The following CIBAR1 variants were observed in gnomAD, a reference collection of about 807,000 sequenced individuals.
The protein encoded by CIBAR1 is CBY1 interacting BAR domain containing 1, also known as CBY1-interacting BAR domain-containing protein 1.
In CIBAR1, 25 loss-of-function variants were observed where a neutral mutation model predicts 44.0. The ratio of observed to expected loss-of-function variants is 0.57; its 90% confidence interval spans 0.41 to 0.79. CIBAR1 has a LOEUF of 0.79. Among genes scored for constraint, CIBAR1 ranks in the 30% least tolerant of loss-of-function variants. CIBAR1 has a pLI of 0.00. For synonymous variants in CIBAR1, 115 were observed against 119.0 expected (o/e 0.97, Z 0.22); for missense variants, 278 against 344.8 (o/e 0.81, Z 1.53).
At chr8:93,716,534 T>TA (rs1415925495) in intron 6 of CIBAR1, among the ~76,000 whole-genome samples, 1 of 152,174 alleles carries the variant, frequency 6.6e-6, no homozygotes, top group South Asian at 2.1e-4. Context: ...TGGAATTTCT[T>TA]ACTAATTTCT....
Position 93,730,285 on chromosome 8 carries a change from G to T in CIBAR1, c.*1988G>T, listed in dbSNP as rs1811737494. ...ACTTAACAGGTGATATATGGATCAA[G>T]AATCACTGCTCTTAACAGTGATCTC... On this transcript the variant is annotated 3_prime_UTR_variant, in exon 9 of 9. Coordinates refer to ENST00000518322, the MANE Select transcript of CIBAR1 (RefSeq NM_145269.5). 1 of 152,172 alleles carries T rather than the reference G, an allele frequency of 6.6e-6. No homozygotes were observed. The allele number at this position is 152,172 out of a possible 1,614,324, so 9.4% of individuals were successfully genotyped here.
intron 8 of CIBAR1, chr8:93,727,175 T>C: frequency 7.8e-7 from 1 of 1,289,224 alleles, no homozygotes; most frequent in South Asian, 1.2e-5. Flanking sequence ...TCTAGAGAGC[T>C]ATGCCCTTTT....
intron 2 of CIBAR1, among the ~76,000 whole-genome samples, chr8:93,703,193 G>A (rs1011792124): frequency 6.6e-6 from 1 of 152,022 alleles, no homozygotes; most frequent in African/African-American, 2.4e-5. Flanking sequence ...TGCTTTTCAA[G>A]GTTATGTTGC....
At chr8:93,722,540 T>C (rs1021270673) in intron 7 of CIBAR1, among the ~76,000 whole-genome samples, 21 of 152,150 alleles carry the variant, frequency 1.4e-4, no homozygotes, top group Admixed American at 7.2e-4. Flanking sequence ...CTACTAAAGA[T>C]ATAAAAAATT....
chr8:93,712,204 A>G (rs1810853054), intron 6 of CIBAR1, among the ~76,000 whole-genome samples: 1 of 152,214 alleles, frequency 6.6e-6, no homozygotes, highest in African/African-American at 2.4e-5. Context: ...AACCTTGTAC[A>G]GTTTAGCTTT....
At chr8:93,720,416 GTA>G (rs1179517659) in intron 7 of CIBAR1, among the ~76,000 whole-genome samples, 2 of 152,256 alleles carry the variant, frequency 1.3e-5, no homozygotes, top group South Asian at 2.1e-4. Context: ...TACAGTATGT[GTA>G]TATGTGTTTC....
intron 1 of CIBAR1, chr8:93,700,908 C>G: frequency 7.5e-7 from 1 of 1,332,206 alleles, no homozygotes; most frequent in Non-Finnish European, 9.5e-7. Context: ...TCTCGGGTCC[C>G]CACACTGCCG....
chr8:93,727,095 G>A (rs1378731716), intron 8 of CIBAR1: 1 of 727,574 alleles, frequency 1.4e-6, no homozygotes, highest in Non-Finnish European at 2.1e-6. Context: ...AAAGCAGTAT[G>A]ACTGTGTTCT....
chr8:93,718,639 A>G (rs1380438548), intron 6 of CIBAR1, 36 bp from the exon 7 acceptor site: 1 of 1,213,714 alleles, frequency 8.2e-7, no homozygotes. Flanking sequence ...AGAAATTTAA[A>G]TCATTGTTTA....
intron 3 of CIBAR1, among the ~76,000 whole-genome samples, chr8:93,704,282 A>T (rs1767233629): frequency 6.6e-6 from 1 of 152,208 alleles, no homozygotes; most frequent in Non-Finnish European, 1.5e-5. Context: ...TTAAAGCGAT[A>T]GCATTTAGAC....
At position 93,704,964 on chromosome 8, in the gene CIBAR1, A is replaced by G. The variant is rs766031533; in HGVS notation, c.386A>G (p.Gln129Arg). 31 of 1,612,740 alleles carry G rather than the reference A, an allele frequency of 1.9e-5. 1 individual carries two copies. In the Middle Eastern group the frequency reaches 5.0e-4, roughly 26 times the overall value. The change falls in exon 4 of 9, where the codon CAG becomes CGG. Residue 129 changes from glutamine (Q) to arginine (R), a missense_variant. Physicochemically the swap from Gln to Arg is conservative, Grantham distance 43. Around this residue, in one of 3 missense-constraint regions of CIBAR1, gnomAD observed 183 missense variants for 218.6 expected, o/e 0.84. Coordinates refer to ENST00000518322, the MANE Select transcript of CIBAR1 (RefSeq NM_145269.5). Reference protein sequence around the residue: ...ARNREAKQLTQLERTRQRNPS... With the variant: ...ARNREAKQLTRLERTRQRNPS... ...AATCGAGAAGCTAAGCAATTAACTC[A>G]GTTAGAAAGAACACGTCAGCGAAAC...
intron 7 of CIBAR1, 124 bp from the exon 8 acceptor site, chr8:93,726,269 AT>A (rs1811493832): frequency 2.6e-6 from 2 of 770,692 alleles, no homozygotes; most frequent in Non-Finnish European, 4.0e-6. Context: ...ATTTACAATA[AT>A]TGGAATTTTG....
intron 6 of CIBAR1, among the ~76,000 whole-genome samples, chr8:93,714,899 C>T (rs1810980871): frequency 6.6e-6 from 1 of 152,170 alleles, no homozygotes; most frequent in Non-Finnish European, 1.5e-5. Context: ...TGATACCACT[C>T]TTAATTTGGG....
rs371136364 is a variant in CIBAR1, at chr8:93,712,793, A to T, written c.543+2918A>T. Among the ~76,000 whole-genome samples the T allele has an allele frequency of 2.8e-5, 4 of 142,638 alleles. No homozygotes were observed. The East Asian group carries it at 6.1e-4, about 22-fold the overall frequency. 93.6% of individuals were successfully genotyped at this position (142,638 alleles called of 152,430 possible). On this transcript the variant is annotated intron_variant, in intron 6 of 8. Transcript: ENST00000518322. The stretch of plus-strand genomic sequence containing the variant: ...TCGTCTCATTATAGTTTTGACTTAC[A>T]TTCCATGATGATGCTTTTTTTTTTT...
rs1218236545 is a variant in CIBAR1, at chr8:93,713,028, T to TC, written c.543+3153_543+3154insC. Among the ~76,000 whole-genome samples the TC allele has an allele frequency of 1.4e-4, 7 of 49,380 alleles. 2 individuals carry two copies. The highest frequency in any genetic ancestry group is 3.3e-4 in the African/African-American group (4 of 12,258). The allele number at this position is 49,380 out of a possible 152,430, so 32.4% of individuals were successfully genotyped here. On this transcript the variant is annotated intron_variant, in intron 6 of 8. Coordinates refer to ENST00000518322, the MANE Select transcript of CIBAR1 (RefSeq NM_145269.5). ...ATCCTTTACCCTTTTTTTCTCCTTT[T>TC]TTTTCTTTTTTTTTTTTTTTTCGAG...
Position 93,700,555 on chromosome 8 carries a change from C to T in CIBAR1, c.-93C>T. 3.7e-6 allele frequency: 5 copies of T among 1,360,364 alleles called. 1 individual carries two copies. In the South Asian group the frequency reaches 5.1e-5, roughly 14 times the overall value. 84.3% of individuals were successfully genotyped at this position (1,360,364 alleles called of 1,614,324 possible). A position where few individuals can be genotyped will look rare whatever the true frequency, so the allele number is the denominator to read the frequency against. Reference sequence around the variant, plus strand: ...GGCGCGAGGGGCGGGCTTTCAGGCTCCCGGCGGCTGCTTGCGCCCCAGCGC... The same window carrying T: ...GGCGCGAGGGGCGGGCTTTCAGGCTTCCGGCGGCTGCTTGCGCCCCAGCGC... On this transcript the variant is annotated 5_prime_UTR_variant, in exon 1 of 9. Transcript: ENST00000518322.
rs953411945 is a variant in CIBAR1 at position 93,730,121 on chromosome 8, C to T, written c.*1824C>T. ...TTCAGATTACCAGATTAGGAATACT[C>T]AACCTGTAGTACATTTACTAGGATT... On this transcript the variant is annotated 3_prime_UTR_variant, in exon 9 of 9. Transcript: ENST00000518322. The T allele has an allele frequency of 2.6e-5, 4 of 152,122 alleles. No individual in the cohort carries two copies. Among genetic ancestry groups the T allele is most frequent in the Admixed American group, 6.5e-5 (1 of 15,280 alleles). The allele number at this position is 152,122 out of a possible 1,614,324, so 9.4% of individuals were successfully genotyped here. A position where few individuals can be genotyped will look rare whatever the true frequency, so the allele number is the denominator to read the frequency against.
In CIBAR1 at chr8:93,718,797, A is replaced by G; in HGVS notation, c.657+9A>G. 2 of 1,433,534 alleles carry G rather than the reference A, an allele frequency of 1.4e-6. No homozygotes were observed. Among genetic ancestry groups the G allele is most frequent in the Non-Finnish European group, 1.9e-6 (2 of 1,048,592 alleles). 88.8% of individuals were successfully genotyped at this position (1,433,534 alleles called of 1,614,324 possible). On this transcript the variant is annotated intron_variant, in intron 7 of 8. Transcript: ENST00000518322. ...AAGATGAAGATTTAGAGGTAGGACT[A>G]TGTCTATCTAAGCTCAGTTCTTCTG...
At chr8:93,715,013 A>C (rs1810985869) in intron 6 of CIBAR1, among the ~76,000 whole-genome samples, 1 of 152,234 alleles carries the variant, frequency 6.6e-6, no homozygotes, top group Non-Finnish European at 1.5e-5. Context: ...AATGATTGGC[A>C]GTAGTGAGCA....
Sources: gnomAD v4.1 joint callset for allele counts (sites outside exome capture counted in the v4.1 genomes callset) on GRCh38, gnomAD v4.1.1 for gene constraint, gnomAD v4.1.1 regional missense constraint, MANE v1.5 for transcripts, NCBI Gene and HGNC (gene_info 2026-07-23, HGNC 2026-07-21) for gene names.